EML5: variants seen among roughly 807,000 people sequenced by gnomAD.
EML5 encodes EMAP like 5, also known as echinoderm microtubule-associated protein-like 5.
Under a neutral mutation model 250.0 loss-of-function variants are expected in EML5, and 120 were observed. The observed-to-expected ratio is 0.48, with a 90% CI of 0.41 to 0.56. The LOEUF (loss-of-function observed/expected upper bound fraction) is 0.56, where lower values mean the gene tolerates loss of function less well. EML5 is among the 20% of genes least tolerant of loss of function. The pLI, the probability that EML5 is intolerant of heterozygous loss-of-function variation, is 0.00. For missense variants in EML5, 2,006 were observed against 2,437.6 expected (o/e 0.82, Z 3.73); for synonymous variants, 771 against 806.5 (o/e 0.96, Z 0.75).
At position 88,744,077 on chromosome 14, in the gene EML5, A is replaced by G; in HGVS notation, c.471T>C (p.Ser157=). 4.5e-6 allele frequency: 7 copies of G among 1,568,368 alleles called. No individual in the cohort carries two copies. The highest frequency in any genetic ancestry group is 6.1e-6 in the Non-Finnish European group (7 of 1,153,432). ...GTTTATTTGGCTGGTACAAATCCCA[A>G]GAAATATCAAATATCTGTAAACAAA... ...PGHTDRIFDI[S]WDLYQPNKLV... is the part of the protein sequence containing the mutation. Residue 157 remains serine (S), a synonymous_variant, in exon 4 of 44, where the codon TCT becomes TCC. Transcript: ENST00000554922.
At chr14:88,692,574 C>T (rs1487813914) in intron 17 of EML5, among the ~76,000 whole-genome samples, 1 of 152,104 alleles carries the variant, frequency 6.6e-6, no homozygotes, top group Non-Finnish European at 1.5e-5. Context: ...CCATTTTATA[C>T]AAGGGACTTG....
intron 17 of EML5, among the ~76,000 whole-genome samples, chr14:88,692,376 C>CA (rs955519154): frequency 2.0e-5 from 3 of 151,600 alleles, no homozygotes; most frequent in Non-Finnish European, 4.4e-5. Flanking sequence ...GACTCTGTTT[C>CA]AAAAAGAAAA....
At chr14:88,634,765 G>C (rs2090628092) in intron 32 of EML5, among the ~76,000 whole-genome samples, 1 of 152,052 alleles carries the variant, frequency 6.6e-6, no homozygotes, top group Admixed American at 6.6e-5. Flanking sequence ...AAATGATACT[G>C]ATATGATTTA....
intron 1 of EML5, among the ~76,000 whole-genome samples, chr14:88,775,252 T>G (rs948048419): frequency 1.3e-5 from 2 of 152,210 alleles, no homozygotes; most frequent in African/African-American, 4.8e-5. Flanking sequence ...GTAAATACTT[T>G]GTCTTGTACC....
chr14:88,619,351 G>A (rs2088411381), intron 39 of EML5: 1 of 152,352 alleles, frequency 6.6e-6, no homozygotes, highest in Admixed American at 6.5e-5. Flanking sequence ...GGCAACAAGA[G>A]CAAAACTCCA....
intron 31 of EML5, 144 bp from the exon 32 acceptor site, chr14:88,639,051 AAGG>A (rs2090909222): frequency 1.6e-6 from 1 of 620,384 alleles, no homozygotes; most frequent in Admixed American, 3.1e-5. Context: ...ACAGCATCAT[AAGG>A]ATAGAAAAAT....
intron 8 of EML5, among the ~76,000 whole-genome samples, chr14:88,723,598 G>A (rs998413468): frequency 7.2e-5 from 11 of 152,250 alleles, no homozygotes; most frequent in African/African-American, 2.6e-4. Flanking sequence ...CATCTTAAAT[G>A]TTCTCACCCC....
At chr14:88,674,673 G>A (rs1432612159) in intron 21 of EML5, among the ~76,000 whole-genome samples, 13 of 152,008 alleles carry the variant, frequency 8.6e-5, no homozygotes, top group East Asian at 1.9e-4. Context: ...AAACCCAATC[G>A]TGCCTTCCCA....
At chr14:88,762,269 G>A (rs1027876851) in intron 1 of EML5, among the ~76,000 whole-genome samples, 1 of 152,148 alleles carries the variant, frequency 6.6e-6, no homozygotes, top group African/African-American at 2.4e-5. Flanking sequence ...CCAGCACTTT[G>A]GGAGGCCGAG....
chr14:88,694,564 T>C (rs1363492972), intron 16 of EML5, among the ~76,000 whole-genome samples, 157 bp from the exon 17 acceptor site: 1 of 152,186 alleles, frequency 6.6e-6, no homozygotes, highest in South Asian at 2.1e-4. Flanking sequence ...TTTGTCATCA[T>C]TTTAATATGG....
At chr14:88,737,106 G>T (rs184819642) in intron 6 of EML5, among the ~76,000 whole-genome samples, 41 of 152,124 alleles carry the variant, frequency 2.7e-4, no homozygotes, top group Admixed American at 9.8e-4. Context: ...CTTTCTTCTT[G>T]GATGTGGGAC....
chr14:88,732,067 T>G (rs988088885), intron 7 of EML5, among the ~76,000 whole-genome samples: 3 of 152,298 alleles, frequency 2.0e-5, no homozygotes, highest in Admixed American at 1.3e-4. Context: ...CTCTTTAGTT[T>G]AATTAGATCC....
At chr14:88,697,097 A>G (rs1226230272) in intron 14 of EML5, 145 bp from the exon 15 acceptor site, 1 of 540,076 alleles carries the variant, frequency 1.9e-6, no homozygotes, top group African/African-American at 1.9e-5. Flanking sequence ...AAACTATATA[A>G]GTGACTGATA....
chr14:88,626,600 G>A (rs941676117), intron 35 of EML5: 5 of 492,010 alleles, frequency 1.0e-5, no homozygotes, highest in Non-Finnish European at 1.8e-5. Flanking sequence ...CCAGGCGACA[G>A]AGTGAGATAC....
intron 1 of EML5, among the ~76,000 whole-genome samples, chr14:88,775,905 AAG>A (rs36018473): frequency 1.7e-4 from 26 of 149,964 alleles, no homozygotes; most frequent in Non-Finnish European, 1.9e-4. Flanking sequence ...GGTGGCTCAG[AAG>A]AGAGAGAGAG....
intron 21 of EML5, among the ~76,000 whole-genome samples, chr14:88,679,171 C>T (rs953950480): frequency 2.7e-5 from 4 of 148,346 alleles, no homozygotes; most frequent in Non-Finnish European, 5.9e-5. Context: ...ATCTAGTATG[C>T]CTTTGTCTTA....
rs201557770 is a variant in EML5 at position 88,616,111 on chromosome 14, C to T, written c.5897+31G>A. On this transcript the variant is annotated intron_variant, in intron 43 of 43. Transcript: ENST00000554922. ...TAAGTCTCTTAACTAGTAACATAGTCTGCTCTTCATGGGCTGAGAAAGTTA... is the reference window on the plus strand; with the variant it reads ...TAAGTCTCTTAACTAGTAACATAGTTTGCTCTTCATGGGCTGAGAAAGTTA... 1,328 of 1,604,792 alleles carry T rather than the reference C, an allele frequency of 8.3e-4. 13 individuals carry two copies. The South Asian group carries it at 9.0e-3, about 11-fold the overall frequency.
intron 1 of EML5, among the ~76,000 whole-genome samples, chr14:88,767,185 C>T (rs2094331846): frequency 6.6e-6 from 1 of 152,132 alleles, no homozygotes; most frequent in Admixed American, 6.5e-5. Context: ...CATATCCCTG[C>T]CCTCCTTCTG....
In EML5 at chr14:88,663,051, G is replaced by T; in HGVS notation, c.3478C>A (p.Gln1160Lys). The change falls in exon 24 of 44, where the codon CAA becomes AAA. Residue 1160 changes from glutamine (Q) to lysine (K), a missense_variant. Coordinates refer to ENST00000554922, the MANE Select transcript of EML5 (RefSeq NM_183387.3). ...CCTACCTCCACGCTGGGGATGGTTT[G>T]TTTTTTCCCTCTGGGAGCTTCAAAG... is the stretch of plus-strand genomic sequence containing the variant. Reference protein sequence around the residue: ...LFFEAPRGKKQTIPSVEVEKI... With the variant: ...LFFEAPRGKKKTIPSVEVEKI... The T allele has an allele frequency of 1.3e-6, 2 of 1,552,558 alleles. No homozygotes were observed. The highest frequency in any genetic ancestry group is 1.7e-6 in the Non-Finnish European group (2 of 1,147,276).
Sources: allele counts gnomAD v4.1 joint callset (sites outside exome capture counted in the v4.1 genomes callset), GRCh38; gene constraint gnomAD v4.1.1; transcripts MANE v1.5; gene names NCBI Gene and HGNC (gene_info 2026-07-23, HGNC 2026-07-21).